The following SLFNL1 variants were observed in gnomAD, a reference collection of about 807,000 sequenced individuals.
SLFNL1 encodes schlafen like 1.
In SLFNL1, 26 loss-of-function variants were observed where a neutral mutation model predicts 32.5. That is an observed-to-expected ratio of 0.80 (90% CI 0.59 to 1.11). The LOEUF is 1.11. Ranked by LOEUF, SLFNL1 falls within the 50% of genes least tolerant of loss-of-function variation. The pLI is 0.00. For missense variants in SLFNL1, 553 were observed against 546.5 expected (o/e 1.01, Z -0.12); for synonymous variants, 255 against 242.2 (o/e 1.05, Z -0.49).
chr1:41,016,077 C>T lies in SLFNL1; in HGVS notation c.*29G>A, dbSNP rs374134776. ...TCCCTGGGTCTCAGGTGGAGAGTGCCGTGCCGTCCTGCCTGCTCCCCAGGG... is the reference window on the plus strand; with the variant it reads ...TCCCTGGGTCTCAGGTGGAGAGTGCTGTGCCGTCCTGCCTGCTCCCCAGGG... On this transcript the variant is annotated 3_prime_UTR_variant, in exon 6 of 6. Coordinates refer to ENST00000302946, the MANE Select transcript of SLFNL1 (RefSeq NM_144990.4). 47 of 1,600,320 alleles carry T rather than the reference C, an allele frequency of 2.9e-5. No individual in the cohort carries two copies. Among genetic ancestry groups the T allele is most frequent in the African/African-American group, 9.4e-5 (7 of 74,462 alleles).
At chr1:41,018,646 A>T (rs913643570) in intron 3 of SLFNL1, among the ~76,000 whole-genome samples, 2 of 151,964 alleles carry the variant, frequency 1.3e-5, no homozygotes, top group Non-Finnish European at 2.9e-5. Context: ...TTGCTGGGCT[A>T]TTGACAAGTC....
Position 41,020,358 on chromosome 1 carries a change from G to C in SLFNL1, c.303C>G (p.His101Gln). 1 of 1,613,468 alleles carries C rather than the reference G, an allele frequency of 6.2e-7. No individual in the cohort carries two copies. Among genetic ancestry groups the C allele is most frequent in the Non-Finnish European group, 8.5e-7 (1 of 1,180,034 alleles). The change falls in exon 3 of 6, where the codon CAC (histidine) becomes CAG (glutamine). Residue 101 changes from histidine (H) to glutamine (Q), a missense_variant. By Grantham distance (24) the His-to-Gln change is conservative. Coordinates refer to ENST00000302946, the MANE Select transcript of SLFNL1 (RefSeq NM_144990.4). The stretch of plus-strand genomic sequence containing the variant: ...AGGGGAGGGAGGCCAGGGTGTCCCT[G>C]TGGACAGTCACCTGCACCAGTGCAT... The part of the protein sequence containing the change: ...KAYALVQVTV[H>Q]RDTLASLPWR...
At position 41,021,665 on chromosome 1, in the gene SLFNL1, G is replaced by T. The variant is rs17357954; in HGVS notation, c.-168C>A. The T allele has an allele frequency of 0.15, 22,789 of 152,194 alleles. 2,214 individuals carry two copies. The highest frequency in any genetic ancestry group is 0.21 in the Non-Finnish European group (14,577 of 67,988). The allele number at this position is 152,194 out of a possible 1,614,324, so 9.4% of individuals were successfully genotyped here. A position where few individuals can be genotyped will look rare whatever the true frequency, so the allele number is the denominator to read the frequency against. On this transcript the variant is annotated 5_prime_UTR_variant, in exon 1 of 6. Coordinates refer to ENST00000302946, the MANE Select transcript of SLFNL1 (RefSeq NM_144990.4). The stretch of plus-strand genomic sequence containing the variant: ...TCCCGCGGGAGCATGGGAGGTGCCT[G>T]CCCTGAGCTCCCATAGCCTCCCGAC...
chr1:41,018,843 T>G (rs933924519), intron 3 of SLFNL1, among the ~76,000 whole-genome samples: 1 of 140,782 alleles, frequency 7.1e-6, no homozygotes, highest in Non-Finnish European at 1.6e-5. Flanking sequence ...TTTTTTTTTT[T>G]TTTTTTTTTT....
At position 41,017,793 on chromosome 1, in the gene SLFNL1, G is replaced by C; in HGVS notation, c.799C>G (p.Leu267Val). Residue 267 changes from leucine to valine, a missense_variant, in exon 4 of 6, where the codon CTG becomes GTG. Transcript: ENST00000302946. The surrounding 1 kb of genome is among the most constrained non-coding windows in gnomAD (Gnocchi z 4.9). ...TGGCTGCAGCGGATGCCCTGCACCA[G>C]GCCGCTGTCCTCTACTCCCACGAGC... ...SLLVGVEDSG[L>V]VQGIRCSHRD... The C allele has an allele frequency of 6.2e-7, 1 of 1,604,746 alleles. No individual in the cohort carries two copies. Among genetic ancestry groups the C allele is most frequent in the Non-Finnish European group, 8.5e-7 (1 of 1,173,860 alleles).
intron 3 of SLFNL1, 191 bp from the exon 4 acceptor site, chr1:41,018,347 T>C: frequency 3.7e-6 from 2 of 535,554 alleles, no homozygotes; most frequent in Non-Finnish European, 6.3e-6. Context: ...GAAACCCTGC[T>C]GGATCGAGGG....
Position 41,017,211 on chromosome 1 carries a change from C to G in SLFNL1, c.1101+23G>C. 6.5e-7 allele frequency: 1 copy of G among 1,538,580 alleles called. No homozygotes were observed. ...CTGGGGTCAGCTCCGCTCCACCCCA[C>G]CCACTGGCCTCAGCTTCCGTACCTG... On this transcript the variant is annotated intron_variant, in intron 5 of 5. Transcript: ENST00000302946. This position sits in a 1 kb window ranked among gnomAD's most constrained non-coding sequence, Gnocchi z 4.9.
chr1:41,016,233 G>T lies in SLFNL1; in HGVS notation c.1102-5C>A. The T allele has an allele frequency of 6.2e-7, 1 of 1,613,824 alleles. No individual in the cohort carries two copies. Among genetic ancestry groups the T allele is most frequent in the Non-Finnish European group, 8.5e-7 (1 of 1,179,802 alleles). On this transcript the variant is annotated splice_polypyrimidine_tract_variant and splice_region_variant and intron_variant, in intron 5 of 5. Transcript: ENST00000302946. ...GCCCAGCTCCACCAGCCACCTCTGA[G>T]GGGACATGGGAAAAGCATGTGGCCA...
rs375640131 is a variant in SLFNL1 at position 41,017,625 on chromosome 1, G to T, written c.957+10C>A. ...ACAGGCCCAGAGGCCCTCCTGTCCTGCAGGCTCACCTTGAGGGGGACGCTG... is the reference window on the plus strand; with the variant it reads ...ACAGGCCCAGAGGCCCTCCTGTCCTTCAGGCTCACCTTGAGGGGGACGCTG... On this transcript the variant is annotated intron_variant, in intron 4 of 5. Coordinates refer to ENST00000302946, the MANE Select transcript of SLFNL1 (RefSeq NM_144990.4). The surrounding 1 kb of genome is among the most constrained non-coding windows in gnomAD (Gnocchi z 4.9). 1.3e-6 allele frequency: 2 copies of T among 1,519,138 alleles called. No individual in the cohort carries two copies. Among genetic ancestry groups the T allele is most frequent in the Non-Finnish European group, 1.8e-6 (2 of 1,132,386 alleles). 94.1% of individuals were successfully genotyped at this position (1,519,138 alleles called of 1,614,324 possible).
In SLFNL1 at chr1:41,020,479, G is replaced by A. The variant is rs576821188; in HGVS notation, c.182C>T (p.Pro61Leu). Residue 61 changes from proline (P) to leucine (L), a missense_variant, in exon 3 of 6, where the codon CCG becomes CTG. Transcript: ENST00000302946. ...GTCTCGCAGCAGGCAGGCAAGCACC[G>A]GCACTGAGAACTGGGGGTTCAGATG... ...VGHLNPQFSVPVLACLLRDTL... is the reference protein window; with the variant it reads ...VGHLNPQFSVLVLACLLRDTL... The A allele has an allele frequency of 9.9e-6, 16 of 1,613,472 alleles. No individual in the cohort carries two copies. The highest frequency in any genetic ancestry group is 2.7e-5 in the African/African-American group (2 of 75,062).
intron 3 of SLFNL1, 152 bp downstream of exon 3, chr1:41,020,074 C>T: frequency 2.6e-6 from 2 of 773,250 alleles, no homozygotes; most frequent in Non-Finnish European, 4.1e-6. Flanking sequence ...CAGCCGCAAG[C>T]CATGGTCATT....
At position 41,020,482 on chromosome 1, in the gene SLFNL1, A is replaced by G; in HGVS notation, c.179T>C (p.Val60Ala). The G allele has an allele frequency of 1.9e-6, 3 of 1,613,480 alleles. No homozygotes were observed. Among genetic ancestry groups the G allele is most frequent in the Non-Finnish European group, 8.5e-7 (1 of 1,180,010 alleles). ...TCGCAGCAGGCAGGCAAGCACCGGC[A>G]CTGAGAACTGGGGGTTCAGATGGCC... ...YVGHLNPQFS[V>A]PVLACLLRDT... The change falls in exon 3 of 6, where the codon GTG becomes GCG. Residue 60 changes from valine to alanine, a missense_variant. Physicochemically the swap from Val to Ala is moderately conservative, Grantham distance 64. Coordinates refer to ENST00000302946, the MANE Select transcript of SLFNL1 (RefSeq NM_144990.4).
At position 41,020,305 on chromosome 1, in the gene SLFNL1, T is replaced by C. The variant is rs759758789; in HGVS notation, c.356A>G (p.His119Arg). 1.9e-6 allele frequency: 3 copies of C among 1,613,628 alleles called. No homozygotes were observed. In the South Asian group the frequency reaches 3.3e-5, roughly 18 times the overall value. Residue 119 changes from histidine (H) to arginine (R), a missense_variant, in exon 3 of 6, where the codon CAC becomes CGC. Transcript: ENST00000302946. ...GGCTGCCAGCTCCTTGAGGATTAGG[T>C]GCTCCTCCAGGGCCGTCTGCAGGCG... is the stretch of plus-strand genomic sequence containing the variant. ...PWRLQTALEEHLILKELAARG... is the reference protein window; with the variant it reads ...PWRLQTALEERLILKELAARG...
chr1:41,020,173 G>T, intron 3 of SLFNL1, 53 bp downstream of exon 3: 1 of 1,517,568 alleles, frequency 6.6e-7, no homozygotes, highest in Non-Finnish European at 8.8e-7. Context: ...CCCACTCAGA[G>T]GCTCTCCCTT....
In SLFNL1 at chr1:41,017,385, G is replaced by A. The variant is rs1172381519; in HGVS notation, c.958-8C>T. 5 of 1,611,852 alleles carry A rather than the reference G, an allele frequency of 3.1e-6. No homozygotes were observed. The highest frequency in any genetic ancestry group is 4.2e-6 in the Non-Finnish European group (5 of 1,179,012). On this transcript the variant is annotated splice_polypyrimidine_tract_variant and splice_region_variant and intron_variant, in intron 4 of 5. Transcript: ENST00000302946. The surrounding 1 kb of genome is among the most constrained non-coding windows in gnomAD (Gnocchi z 4.9). ...CACGGTCAGGCGGATCACCTTGGTA[G>A]GGGCAACAGCAGCTCTGGAGGCGCC...
chr1:41,020,518 G>C lies in SLFNL1; in HGVS notation c.143C>G (p.Thr48Ser). The C allele has an allele frequency of 6.2e-7, 1 of 1,613,518 alleles. No individual in the cohort carries two copies. The highest frequency in any genetic ancestry group is 1.7e-5 in the Admixed American group (1 of 60,026). Residue 48 changes from threonine (T) to serine (S), a missense_variant, in exon 3 of 6, where the codon ACT becomes AGT. Coordinates refer to ENST00000302946, the MANE Select transcript of SLFNL1 (RefSeq NM_144990.4). ...SDLEEAPSAH[T>S]LYVGHLNPQF... ...GGGGTTCAGATGGCCCACATAGAGA[G>C]TGTGCGCCGAGGGAGCCTCCTCGAG... is the stretch of plus-strand genomic sequence containing the variant.
At position 41,017,854 on chromosome 1, in the gene SLFNL1, G is replaced by T. The variant is rs182933235; in HGVS notation, c.738C>A (p.Tyr246Ter). ...CCTCGCTGTTGAGGAAGGCGCACAC[G>T]TAGCGCCGCACGTGGTGCTTGAAGG... ...SLAFKHHVRR[Y>*]VCAFLNSEGG... Residue 246 changes from tyrosine (Y) to a stop codon, truncating the protein, a stop_gained, in exon 4 of 6, where the codon TAC (tyrosine) becomes TAA (stop). Coordinates refer to ENST00000302946, the MANE Select transcript of SLFNL1 (RefSeq NM_144990.4). LOFTEE classifies it high-confidence loss of function. This position sits in a 1 kb window ranked among gnomAD's most constrained non-coding sequence, Gnocchi z 4.9. 6.2e-7 allele frequency: 1 copy of T among 1,603,792 alleles called. No individual in the cohort carries two copies. Among genetic ancestry groups the T allele is most frequent in the Admixed American group, 1.7e-5 (1 of 59,690 alleles).
At position 41,017,204 on chromosome 1, in the gene SLFNL1, C is replaced by T. The variant is rs748861086; in HGVS notation, c.1101+30G>A. The T allele has an allele frequency of 5.2e-5, 79 of 1,532,098 alleles. 2 individuals carry two copies. The South Asian group carries it at 8.4e-4, about 16-fold the overall frequency. The allele number at this position is 1,532,098 out of a possible 1,614,324, so 94.9% of individuals were successfully genotyped here. On this transcript the variant is annotated intron_variant, in intron 5 of 5. Transcript: ENST00000302946. The surrounding 1 kb of genome is among the most constrained non-coding windows in gnomAD (Gnocchi z 4.9). ...AAGGGGTCTGGGGTCAGCTCCGCTC[C>T]ACCCCACCCACTGGCCTCAGCTTCC...
In SLFNL1 at chr1:41,017,307, T is replaced by TC. The variant is rs372798942; in HGVS notation, c.1027dup (p.Glu343GlyfsTer81). 2 of 1,613,376 alleles carry TC rather than the reference T, an allele frequency of 1.2e-6. No homozygotes were observed. Among genetic ancestry groups the TC allele is most frequent in the African/African-American group, 2.7e-5 (2 of 74,880 alleles). On this transcript the variant is annotated frameshift_variant, in exon 5 of 6. Coordinates refer to ENST00000302946, the MANE Select transcript of SLFNL1 (RefSeq NM_144990.4). LOFTEE classifies it high-confidence loss of function. This position sits in a 1 kb window ranked among gnomAD's most constrained non-coding sequence, Gnocchi z 4.9. ...GCTCCCGTCGCGCCGCAGAAACACC[T>TC]CCCCCTGGTCTGTCTGGTAGAGTTG... is the stretch of plus-strand genomic sequence containing the variant.
Sources: gnomAD v4.1 joint callset for allele counts (sites outside exome capture counted in the v4.1 genomes callset) on GRCh38, gnomAD v4.1.1 for gene constraint, Gnocchi (gnomAD v3.1) non-coding constraint, MANE v1.5 for transcripts, NCBI Gene and HGNC (gene_info 2026-07-23, HGNC 2026-07-21) for gene names.